DTWD2: variants seen among roughly 807,000 people sequenced by gnomAD.
The protein encoded by DTWD2 is DTW motif tRNA-uridine aminocarboxypropyltransferase 2.
A neutral mutation model predicts 31.8 loss-of-function variants in DTWD2; 39 were observed. The observed-to-expected ratio is 1.22, with a 90% confidence interval of 0.95 to 1.60. DTWD2 has a LOEUF of 1.60. Ranked by LOEUF, DTWD2 falls within the 40% of genes most tolerant of loss-of-function variation. The pLI is 0.00. For missense variants in DTWD2, 515 were observed against 381.5 expected, an observed-to-expected ratio of 1.35 and a Z score of -2.92; for synonymous variants, 180 against 142.8, an observed-to-expected ratio of 1.26 and a Z score of -1.86.
intron 3 of DTWD2, among the ~76,000 whole-genome samples, chr5:118,934,833 C>T (rs1415415471): frequency 6.6e-6 from 1 of 152,124 alleles, no homozygotes; most frequent in African/African-American, 2.4e-5. Flanking sequence ...AACACTAGCA[C>T]CCACACATAG....
At chr5:118,907,367 T>A (rs1320252255) in intron 4 of DTWD2, among the ~76,000 whole-genome samples, 2 of 152,018 alleles carry the variant, frequency 1.3e-5, no homozygotes, top group African/African-American at 2.4e-5. Context: ...AGAAAGAGAT[T>A]TCTTATAAGG....
At chr5:118,905,066 A>T (rs867301167) in intron 4 of DTWD2, among the ~76,000 whole-genome samples, 2 of 152,214 alleles carry the variant, frequency 1.3e-5, no homozygotes, top group Admixed American at 6.5e-5. Flanking sequence ...AGACAGAGCA[A>T]CCTCTGCTAA....
At chr5:118,979,377 A>AG (rs1211820767) in intron 1 of DTWD2, among the ~76,000 whole-genome samples, 1 of 152,094 alleles carries the variant, frequency 6.6e-6, no homozygotes, top group Non-Finnish European at 1.5e-5. Context: ...GAGGTTGTGG[A>AG]GAAAAAAAGA....
rs139087452 is a variant in DTWD2 at position 118,908,921 on chromosome 5, G to A, written c.597+19616C>T. Among the ~76,000 whole-genome samples the A allele has an allele frequency of 5.4e-3, 826 of 152,270 alleles. 10 individuals are homozygous for A. Among genetic ancestry groups the A allele is most frequent in the Non-Finnish European group, 3.2e-3 (216 of 68,026 alleles). ...CGAAAATAGCTCTAAAAGAGCTCAG[G>A]AGTTAAGGAGCTGCAGCAACACAGT... On this transcript the variant is annotated intron_variant, in intron 4 of 5. Coordinates refer to ENST00000510708, the MANE Select transcript of DTWD2 (RefSeq NM_173666.4).
chr5:118,908,929 G>A (rs1192206141), intron 4 of DTWD2, among the ~76,000 whole-genome samples: 1 of 152,132 alleles, frequency 6.6e-6, no homozygotes, highest in East Asian at 1.9e-4. Flanking sequence ...AGGAGTTAAG[G>A]AGCTGCAGCA....
intron 3 of DTWD2, among the ~76,000 whole-genome samples, chr5:118,934,102 G>A (rs149180256): frequency 1.2e-4 from 18 of 149,966 alleles, no homozygotes; most frequent in East Asian, 7.8e-4. Flanking sequence ...ATTAAAATAC[G>A]TAAAGTACCT....
At position 118,988,316 on chromosome 5, in the gene DTWD2, T is replaced by A. The variant is rs1755479285; in HGVS notation, c.196A>T (p.Arg66Trp). Residue 66 changes from arginine to tryptophan, a missense_variant, in exon 1 of 6, where the codon AGG (arginine) becomes TGG (tryptophan). By Grantham distance (101) the Arg-to-Trp change is moderately radical. Coordinates refer to ENST00000510708, the MANE Select transcript of DTWD2 (RefSeq NM_173666.4). ...WELPVEPAER[R>W]PECTRCSRPQ... ...CACCTGCAGCGGGTGCACTCAGGCCTCCGCTCGGCCGGCTCCACCGGCAGC... is the reference window on the plus strand; with the variant it reads ...CACCTGCAGCGGGTGCACTCAGGCCACCGCTCGGCCGGCTCCACCGGCAGC... 2 of 1,529,190 alleles carry A rather than the reference T, an allele frequency of 1.3e-6. No homozygotes were observed. Among genetic ancestry groups the A allele is most frequent in the Non-Finnish European group, 1.8e-6 (2 of 1,142,626 alleles). 94.7% of individuals were successfully genotyped at this position (1,529,190 alleles called of 1,614,324 possible).
At position 118,968,801 on chromosome 5, in the gene DTWD2, C is replaced by T. The variant is rs1392056243; in HGVS notation, c.218+19493G>A. On this transcript the variant is annotated intron_variant, in intron 1 of 5. Coordinates refer to ENST00000510708, the MANE Select transcript of DTWD2 (RefSeq NM_173666.4). Reference sequence around the variant, plus strand: ...TCCATGCCTTCCCCTAGGAAGGGGGCTGAATCCAGGGGGCCAAGCAGCATC... The same window carrying T: ...TCCATGCCTTCCCCTAGGAAGGGGGTTGAATCCAGGGGGCCAAGCAGCATC... Among the ~76,000 whole-genome samples the T allele has an allele frequency of 2.0e-5, 3 of 152,186 alleles. No homozygotes were observed. In the South Asian group the frequency reaches 6.2e-4, roughly 32 times the overall value.
At chr5:118,859,760 T>C (rs886139075) in intron 4 of DTWD2, among the ~76,000 whole-genome samples, 11 of 152,184 alleles carry the variant, frequency 7.2e-5, no homozygotes, top group Admixed American at 1.3e-4. Context: ...TCCTCCCTCA[T>C]AGGTAACATT....
At chr5:118,953,495 A>T (rs773780266) in intron 1 of DTWD2, among the ~76,000 whole-genome samples, 3 of 152,348 alleles carry the variant, frequency 2.0e-5, no homozygotes, top group Middle Eastern at 3.4e-3. Context: ...CCCTGGCAAC[A>T]TGATAACTAT....
Position 118,943,378 on chromosome 5 carries a change from C to T in DTWD2, c.309+1181G>A, listed in dbSNP as rs182774761. On this transcript the variant is annotated intron_variant, in intron 2 of 5. Coordinates refer to ENST00000510708, the MANE Select transcript of DTWD2 (RefSeq NM_173666.4). ...CATCCTGGCTAACACGGTGAAACCC[C>T]GTCTCTACTAAAAATACAAAAAGTT... 1.5e-3 allele frequency among the ~76,000 whole-genome samples: 231 copies of T among 152,032 alleles called. 2 individuals carry two copies. Among genetic ancestry groups the T allele is most frequent in the African/African-American group, 5.3e-3 (221 of 41,480 alleles).
chr5:118,946,429 C>A (rs1754340331), intron 1 of DTWD2, among the ~76,000 whole-genome samples: 1 of 152,152 alleles, frequency 6.6e-6, no homozygotes, highest in African/African-American at 2.4e-5. Flanking sequence ...AAGGATTCCT[C>A]ACTCAGTAGA....
At position 118,840,458 on chromosome 5, in the gene DTWD2, GATT is replaced by G. The variant is rs1316968502; in HGVS notation, c.*456_*458del. 6 of 152,090 alleles carry G rather than the reference GATT, an allele frequency of 3.9e-5. No homozygotes were observed. Among genetic ancestry groups the G allele is most frequent in the African/African-American group, 1.4e-4 (6 of 41,392 alleles). The allele number at this position is 152,090 out of a possible 1,614,324, so 9.4% of individuals were successfully genotyped here. A position where few individuals can be genotyped will look rare whatever the true frequency, so the allele number is the denominator to read the frequency against. Reference sequence around the variant, plus strand: ...TATTTTACAAAATAATAAATTACTTGATTATCATAATTTTCTTTTGCTACTTAT... The same window carrying G: ...TATTTTACAAAATAATAAATTACTTGATCATAATTTTCTTTTGCTACTTAT... On this transcript the variant is annotated 3_prime_UTR_variant, in exon 6 of 6. Coordinates refer to ENST00000510708, the MANE Select transcript of DTWD2 (RefSeq NM_173666.4).
intron 4 of DTWD2, among the ~76,000 whole-genome samples, chr5:118,904,619 T>G (rs1753286121): frequency 6.6e-6 from 1 of 152,034 alleles, no homozygotes; most frequent in Admixed American, 6.6e-5. Context: ...GTATCTCCCC[T>G]GAATTTGGAA....
intron 4 of DTWD2, among the ~76,000 whole-genome samples, chr5:118,898,509 A>T (rs915249740): frequency 2.6e-5 from 4 of 151,612 alleles, no homozygotes; most frequent in Admixed American, 6.6e-5. Flanking sequence ...AAAAAAAAAA[A>T]TTAGCCGGGC....
chr5:118,918,845 A>G (rs377760607), intron 4 of DTWD2, among the ~76,000 whole-genome samples: 129 of 151,720 alleles, frequency 8.5e-4, no homozygotes, highest in Non-Finnish European at 8.1e-4. Flanking sequence ...AAAAAAAAAG[A>G]AAAGGAATGT....
intron 1 of DTWD2, among the ~76,000 whole-genome samples, chr5:118,976,537 T>C (rs1446340287): frequency 6.6e-6 from 1 of 152,048 alleles, no homozygotes; most frequent in East Asian, 1.9e-4. Flanking sequence ...AAATACAAAC[T>C]ACCATCAAAG....
chr5:118,975,485 C>T (rs535189121), intron 1 of DTWD2, among the ~76,000 whole-genome samples: 7 of 152,146 alleles, frequency 4.6e-5, no homozygotes, highest in African/African-American at 9.6e-5. Flanking sequence ...TCCTTTAGCT[C>T]GGAGGAATTT....
chr5:118,973,214 C>T (rs1468287004), intron 1 of DTWD2, among the ~76,000 whole-genome samples: 2 of 151,852 alleles, frequency 1.3e-5, no homozygotes, highest in African/African-American at 4.8e-5. Context: ...ATCCAATTTG[C>T]CAGTCTGTGT....
Sources: gnomAD v4.1 joint callset for allele counts (sites outside exome capture counted in the v4.1 genomes callset) on GRCh38, gnomAD v4.1.1 for gene constraint, MANE v1.5 for transcripts, NCBI Gene and HGNC (gene_info 2026-07-23, HGNC 2026-07-21) for gene names.